NRG3: variants seen among roughly 807,000 people sequenced by gnomAD.
The protein encoded by NRG3 is neuregulin 3.
In NRG3, 31 loss-of-function variants were observed where a neutral mutation model predicts 66.9. That is an observed-to-expected ratio of 0.46 (90% CI 0.35 to 0.63). NRG3 has a LOEUF of 0.63. Among genes scored for constraint, NRG3 ranks in the 20% least tolerant of loss-of-function variants. The pLI is 0.00. For missense variants in NRG3, 910 were observed against 878.9 expected, an observed-to-expected ratio of 1.04 and a Z score of -0.45; for synonymous variants, 393 against 359.4, an observed-to-expected ratio of 1.09 and a Z score of -1.06.
intron 1 of NRG3, among the ~76,000 whole-genome samples, chr10:82,039,321 T>C (rs2132986426): frequency 6.6e-6 from 1 of 152,208 alleles, no homozygotes; most frequent in South Asian, 2.1e-4. Context: ...ATACCAACAA[T>C]TCCTAGTAAT....
intron 2 of NRG3, among the ~76,000 whole-genome samples, chr10:82,548,521 TCTCACACACA>T (rs1178194971): frequency 2.6e-4 from 28 of 108,480 alleles, no homozygotes; most frequent in Admixed American, 4.6e-4. Context: ...ACATTCTGTC[TCTCACACACA>T]CACACACACA....
At chr10:82,646,726 A>G (rs1022060167) in intron 2 of NRG3, among the ~76,000 whole-genome samples, 15 of 152,102 alleles carry the variant, frequency 9.9e-5, no homozygotes, top group African/African-American at 3.4e-4. Context: ...GGTATGCTCA[A>G]GGAAAGGCAC....
intron 1 of NRG3, among the ~76,000 whole-genome samples, chr10:82,056,706 A>C (rs1403399199): frequency 6.6e-6 from 1 of 152,184 alleles, no homozygotes. Context: ...TTTTGTTTAA[A>C]TAGAAATGTT....
intron 4 of NRG3, 41 bp from the exon 5 acceptor site, chr10:82,951,428 C>G: frequency 6.8e-7 from 1 of 1,472,090 alleles, no homozygotes; most frequent in South Asian, 1.1e-5. Flanking sequence ...GCTGATGCAC[C>G]CCGCTAGCAT....
chr10:82,699,359 G>A (rs995813788), intron 2 of NRG3, among the ~76,000 whole-genome samples: 1 of 151,750 alleles, frequency 6.6e-6, no homozygotes, highest in African/African-American at 2.4e-5. Flanking sequence ...GAGGGAGGAA[G>A]TATCAATAAA....
intron 2 of NRG3, among the ~76,000 whole-genome samples, chr10:82,626,578 C>T (rs770513759): frequency 7.4e-4 from 113 of 152,254 alleles, no homozygotes; most frequent in Admixed American, 3.0e-3. Context: ...AGTGTGAATT[C>T]ACTTGAGTAG....
At chr10:82,113,066 A>G (rs1325343392) in intron 1 of NRG3, among the ~76,000 whole-genome samples, 1 of 152,176 alleles carries the variant, frequency 6.6e-6, no homozygotes, top group African/African-American at 2.4e-5. Flanking sequence ...AGATTTTGAC[A>G]GAATTGAAGA....
chr10:82,963,607 G>A (rs1028487491), intron 6 of NRG3, among the ~76,000 whole-genome samples: 2 of 152,172 alleles, frequency 1.3e-5, no homozygotes, highest in Non-Finnish European at 2.9e-5. Flanking sequence ...GTGAACCCAG[G>A]AGGCAGAGCT....
chr10:82,558,728 C>T (rs2044819593), intron 2 of NRG3, among the ~76,000 whole-genome samples: 1 of 152,018 alleles, frequency 6.6e-6, no homozygotes, highest in African/African-American at 2.4e-5. Flanking sequence ...TATAGAGATG[C>T]TCATTTTAGT....
At chr10:82,427,577 T>A (rs1019370963) in intron 2 of NRG3, among the ~76,000 whole-genome samples, 1 of 152,142 alleles carries the variant, frequency 6.6e-6, no homozygotes, top group African/African-American at 2.4e-5. Context: ...TTGCTAGATT[T>A]GGTTTCTTAC....
chr10:82,084,301 C>T (rs562059595), intron 1 of NRG3, among the ~76,000 whole-genome samples: 78 of 152,216 alleles, frequency 5.1e-4, no homozygotes, highest in Admixed American at 1.0e-3. Flanking sequence ...ATACAGTTTT[C>T]ATTTTTGCAT....
intron 1 of NRG3, among the ~76,000 whole-genome samples, chr10:82,020,846 A>C (rs1336050737): frequency 6.6e-6 from 1 of 152,086 alleles, no homozygotes; most frequent in Non-Finnish European, 1.5e-5. Context: ...GCAATTAATA[A>C]TTTTGTAATA....
chr10:81,940,496 C>T (rs989590307), intron 1 of NRG3, among the ~76,000 whole-genome samples: 4 of 152,010 alleles, frequency 2.6e-5, no homozygotes, highest in Non-Finnish European at 5.9e-5. Flanking sequence ...TAAGTGTATG[C>T]CACTATGCTC....
intron 1 of NRG3, among the ~76,000 whole-genome samples, chr10:82,198,167 C>G (rs1389083775): frequency 6.6e-6 from 1 of 152,116 alleles, no homozygotes; most frequent in African/African-American, 2.4e-5. Context: ...GGGACGGAAA[C>G]ACTGAAAATA....
At chr10:82,324,456 A>G (rs925597201) in intron 1 of NRG3, among the ~76,000 whole-genome samples, 4 of 151,522 alleles carry the variant, frequency 2.6e-5, no homozygotes, top group Non-Finnish European at 5.9e-5. Flanking sequence ...CCTTCTGCTT[A>G]TTTTGTGTTT....
chr10:82,947,700 G>A (rs1389638044), intron 4 of NRG3, among the ~76,000 whole-genome samples: 1 of 151,878 alleles, frequency 6.6e-6, no homozygotes, highest in African/African-American at 2.4e-5. Flanking sequence ...ATCTTTTTAG[G>A]TACTTATTTG....
intron 1 of NRG3, among the ~76,000 whole-genome samples, chr10:82,051,547 T>C (rs775572137): frequency 6.6e-6 from 1 of 152,206 alleles, no homozygotes; most frequent in Non-Finnish European, 1.5e-5. Flanking sequence ...GTGGAGACTT[T>C]TCTGAATATG....
chr10:82,919,921 G>GA (rs373966910), intron 4 of NRG3, among the ~76,000 whole-genome samples: 4,543 of 145,706 alleles, frequency 0.031, 80 homozygotes, highest in African/African-American at 0.045. Context: ...TAGTGAGAAT[G>GA]AAAAAAAAAA....
rs1044979382 is a variant in NRG3, at chr10:82,341,053, G to A, written c.824-17686G>A. On this transcript the variant is annotated intron_variant, in intron 1 of 8. Transcript: ENST00000372141. ...ATGGATACCCCATTTTCCATGTTGT[G>A]ATTATTATGCATTGCATACCTGTAT... Among the ~76,000 whole-genome samples the A allele has an allele frequency of 2.6e-5, 4 of 152,060 alleles. No homozygotes were observed. In the East Asian group the frequency reaches 7.7e-4, roughly 29 times the overall value.
Sources: allele counts gnomAD v4.1 joint callset (sites outside exome capture counted in the v4.1 genomes callset), GRCh38; gene constraint gnomAD v4.1.1; transcripts MANE v1.5; gene names NCBI Gene and HGNC (gene_info 2026-07-23, HGNC 2026-07-21).